KDM4B: variants seen among roughly 807,000 people sequenced by gnomAD.
KDM4B encodes lysine demethylase 4B.
A neutral mutation model predicts 125.2 loss-of-function variants in KDM4B; 32 were observed. The observed-to-expected ratio is 0.26, with a 90% CI of 0.19 to 0.34. The LOEUF (loss-of-function observed/expected upper bound fraction) is 0.34. KDM4B is among the 10% of genes least tolerant of loss of function. The probability of loss-of-function intolerance (pLI) is 1.00; values close to 1 mark genes in which losing one functional copy is unlikely to be tolerated. For synonymous variants in KDM4B, 721 were observed against 677.9 expected, an observed-to-expected ratio of 1.06 and a Z score of -0.99; for missense variants, 1,190 against 1,577.7, an observed-to-expected ratio of 0.75 and a Z score of 4.16.
chr19:4,971,592 C>T lies in KDM4B; in HGVS notation c.-109+2362C>T, dbSNP rs1022127174. Among the ~76,000 whole-genome samples the T allele has an allele frequency of 5.3e-5, 8 of 152,230 alleles. No homozygotes were observed. Among genetic ancestry groups the T allele is most frequent in the Admixed American group, 4.6e-4 (7 of 15,284 alleles). On this transcript the variant is annotated intron_variant, in intron 1 of 22. Transcript: ENST00000159111. This position sits in a 1 kb window ranked among gnomAD's most constrained non-coding sequence, Gnocchi z 4.1. ...TCTGGGGCTGCTAGGTTTCCAGTGC[C>T]GAGTGCCATGCCGGGACAGGTTGGG...
At chr19:5,045,782 G>A (rs900780544) in intron 5 of KDM4B, among the ~76,000 whole-genome samples, 2 of 151,970 alleles carry the variant, frequency 1.3e-5, no homozygotes, top group Non-Finnish European at 2.9e-5. Flanking sequence ...CCTAATTTTT[G>A]TATTTTTAGT....
At chr19:5,121,427 C>G (rs1451029683) in intron 11 of KDM4B, among the ~76,000 whole-genome samples, 1 of 152,190 alleles carries the variant, frequency 6.6e-6, no homozygotes, top group Non-Finnish European at 1.5e-5. Context: ...TATGTAGCGA[C>G]AATTCTCTAC....
intron 9 of KDM4B, among the ~76,000 whole-genome samples, chr19:5,086,291 G>A (rs1198912527): frequency 6.9e-6 from 1 of 145,574 alleles, no homozygotes; most frequent in African/African-American, 2.5e-5. Flanking sequence ...TGTGAATTTT[G>A]GGTGTCTGTG....
chr19:5,145,965 G>A (rs889030792), intron 21 of KDM4B, among the ~76,000 whole-genome samples: 5 of 152,340 alleles, frequency 3.3e-5, no homozygotes, highest in East Asian at 3.9e-4. Context: ...GAAAGGTCCC[G>A]CCCGCATCTC....
intron 1 of KDM4B, among the ~76,000 whole-genome samples, chr19:4,993,777 A>T (rs1294205958): frequency 4.6e-5 from 7 of 151,760 alleles, no homozygotes; most frequent in Non-Finnish European, 2.9e-5. Context: ...CGCCTGGCTA[A>T]TTTTTTTGAA....
chr19:5,081,254 A>G lies in KDM4B; in HGVS notation c.781-1113A>G, dbSNP rs776823723. Reference sequence around the variant, plus strand: ...TTGGGCCCACAGCCCCACCTCCTAGAAGCCCTTGGCCTGAGCCCCGGGGTG... The same window carrying G: ...TTGGGCCCACAGCCCCACCTCCTAGGAGCCCTTGGCCTGAGCCCCGGGGTG... On this transcript the variant is annotated intron_variant, in intron 8 of 22. Transcript: ENST00000159111. This position sits in a 1 kb window ranked among gnomAD's most constrained non-coding sequence, Gnocchi z 4.2. 5.9e-5 allele frequency among the ~76,000 whole-genome samples: 9 copies of G among 152,172 alleles called. No homozygotes were observed. Among genetic ancestry groups the G allele is most frequent in the Non-Finnish European group, 1.2e-4 (8 of 68,006 alleles).
chr19:5,001,394 C>T (rs2035379787), intron 1 of KDM4B, among the ~76,000 whole-genome samples: 1 of 152,114 alleles, frequency 6.6e-6, no homozygotes, highest in African/African-American at 2.4e-5. Context: ...CTGGAAACCA[C>T]TTCATTGGCC....
intron 1 of KDM4B, among the ~76,000 whole-genome samples, chr19:4,992,235 C>T (rs1372278016): frequency 1.4e-4 from 22 of 152,008 alleles, no homozygotes; most frequent in East Asian, 1.9e-4. Flanking sequence ...TTCAAGGGAC[C>T]GACTTTTGGT....
At chr19:5,102,508 C>T (rs935899674) in intron 9 of KDM4B, among the ~76,000 whole-genome samples, 2 of 152,128 alleles carry the variant, frequency 1.3e-5, no homozygotes, top group Non-Finnish European at 2.9e-5. Flanking sequence ...AGCTGGACAC[C>T]CCTGGGAAGT....
chr19:5,026,478 T>G (rs935005621), intron 2 of KDM4B, among the ~76,000 whole-genome samples: 8 of 152,182 alleles, frequency 5.3e-5, no homozygotes, highest in Admixed American at 1.3e-4. Context: ...CTGCAGTGTC[T>G]GGCCTTCATT....
chr19:5,103,862 C>T (rs2038984941), intron 9 of KDM4B, among the ~76,000 whole-genome samples: 1 of 152,234 alleles, frequency 6.6e-6, no homozygotes, highest in African/African-American at 2.4e-5. Flanking sequence ...CCTTCCCCAC[C>T]CTGCCTTGGT....
intron 9 of KDM4B, among the ~76,000 whole-genome samples, chr19:5,107,562 T>G (rs988545104): frequency 1.3e-5 from 2 of 152,040 alleles, no homozygotes; most frequent in African/African-American, 2.4e-5. Flanking sequence ...GTGGTGAGGC[T>G]CCCTCCGGCC....
chr19:5,085,732 G>A (rs756354511), intron 9 of KDM4B, among the ~76,000 whole-genome samples: 16 of 152,192 alleles, frequency 1.1e-4, no homozygotes, highest in Non-Finnish European at 2.4e-4. Flanking sequence ...TGGCCTGGGC[G>A]GCGAGGGCCT....
At chr19:5,073,449 T>C (rs1488888200) in intron 7 of KDM4B, among the ~76,000 whole-genome samples, 5 of 152,226 alleles carry the variant, frequency 3.3e-5, no homozygotes, top group Non-Finnish European at 7.3e-5. Context: ...CCCCTCCTGG[T>C]GCTCTCTGGT....
Position 5,131,461 on chromosome 19 carries a change from C to T in KDM4B, c.1701C>T (p.Pro567=), listed in dbSNP as rs1431712588. The change falls in exon 12 of 23, where the codon CCC becomes CCT. Residue 567 remains proline, a synonymous_variant. Transcript: ENST00000159111. ...CGACCTGGAAGGAACCAGTTTCCCC[C>T]ATGGAGCTGACGGGGCCAGAGGACG... ...KGPTWKEPVS[P]MELTGPEDGA... is the part of the protein sequence containing the mutation. The T allele has an allele frequency of 6.3e-7, 1 of 1,597,222 alleles. No individual in the cohort carries two copies. The highest frequency in any genetic ancestry group is 8.5e-7 in the Non-Finnish European group (1 of 1,175,838).
chr19:5,105,060 G>A (rs1289568277), intron 9 of KDM4B, among the ~76,000 whole-genome samples: 1 of 152,226 alleles, frequency 6.6e-6, no homozygotes, highest in African/African-American at 2.4e-5. Context: ...ATGAGGCTGA[G>A]GTGCAAATGG....
chr19:5,017,100 T>C (rs1203349631), intron 2 of KDM4B, among the ~76,000 whole-genome samples: 1 of 152,202 alleles, frequency 6.6e-6, no homozygotes, highest in Non-Finnish European at 1.5e-5. Flanking sequence ...GCCGCTTCCC[T>C]GTGCAGAGGG....
chr19:5,136,395 C>G (rs1396921169), intron 15 of KDM4B, among the ~76,000 whole-genome samples: 1 of 152,188 alleles, frequency 6.6e-6, no homozygotes, highest in Non-Finnish European at 1.5e-5. Context: ...GAGGAGGGCT[C>G]TCTGGAGACG....
intron 4 of KDM4B, 39 bp from the exon 5 acceptor site, chr19:5,041,098 G>T: frequency 7.0e-7 from 1 of 1,422,368 alleles, no homozygotes; most frequent in East Asian, 2.3e-5. Context: ...TAGCACCCAG[G>T]CCTCACCCTG....
Sources: allele counts gnomAD v4.1 joint callset (sites outside exome capture counted in the v4.1 genomes callset), GRCh38; gene constraint gnomAD v4.1.1; non-coding constraint Gnocchi (gnomAD v3.1); transcripts MANE v1.5; gene names NCBI Gene and HGNC (gene_info 2026-07-23, HGNC 2026-07-21).